The following LRBA variants were observed in gnomAD, a reference collection of about 807,000 sequenced individuals.
The protein encoded by LRBA is LPS responsive beige-like anchor protein.
LRBA carries 176 observed loss-of-function variants against 330.0 expected under a neutral mutation model. The observed-to-expected ratio is 0.53, with a 90% confidence interval of 0.47 to 0.60. The LOEUF (loss-of-function observed/expected upper bound fraction) is 0.60, where lower values mean the gene tolerates loss of function less well. Among genes scored for constraint, LRBA ranks in the 20% least tolerant of loss-of-function variants. The pLI is 0.00. For synonymous variants in LRBA, 1,230 were observed against 1,193.0 expected, an observed-to-expected ratio of 1.03 and a Z score of -0.64; for missense variants, 3,259 against 3,444.8, an observed-to-expected ratio of 0.95 and a Z score of 1.35.
At chr4:150,807,904 C>T (rs953963053) in intron 32 of LRBA, among the ~76,000 whole-genome samples, 9 of 152,262 alleles carry the variant, frequency 5.9e-5, no homozygotes, top group African/African-American at 2.2e-4. Context: ...CCTGCCTCAG[C>T]CTCTCAAAGT....
intron 28 of LRBA, among the ~76,000 whole-genome samples, chr4:150,837,123 C>G (rs1427974091): frequency 1.3e-5 from 2 of 152,158 alleles, no homozygotes; most frequent in Non-Finnish European, 2.9e-5. Flanking sequence ...GTTTCTTAAT[C>G]CTGAGTTCTA....
chr4:150,669,307 C>T lies in LRBA; in HGVS notation c.5921+14244G>A, dbSNP rs1581990913. Among the ~76,000 whole-genome samples the T allele has an allele frequency of 3.3e-5, 5 of 152,262 alleles. No homozygotes were observed. In the South Asian group the frequency reaches 8.3e-4, roughly 25 times the overall value. On this transcript the variant is annotated intron_variant, in intron 37 of 56. Coordinates refer to ENST00000651943, the MANE Select transcript of LRBA (RefSeq NM_001364905.1). ...TCTTATATAACCACACTACAATTAT[C>T]TAAATGAAAAAGTTTACAGTGATAC...
rs542777085 is a variant in LRBA, at chr4:150,382,031, A to T, written c.7195-31872T>A. Among the ~76,000 whole-genome samples, 5 of 152,296 alleles carry T rather than the reference A, an allele frequency of 3.3e-5. No individual in the cohort carries two copies. The East Asian group carries it at 9.7e-4, about 29-fold the overall frequency. On this transcript the variant is annotated intron_variant, in intron 47 of 56. Coordinates refer to ENST00000651943, the MANE Select transcript of LRBA (RefSeq NM_001364905.1). ...ATTTATCTTCTTATTCTTGAGTTGT[A>T]AGAGTCCCTTATATAATCTGCATAG...
intron 11 of LRBA, among the ~76,000 whole-genome samples, chr4:150,908,092 G>A (rs909344526): frequency 2.6e-5 from 4 of 151,806 alleles, no homozygotes; most frequent in Non-Finnish European, 4.4e-5. Flanking sequence ...ACCCATTATT[G>A]CCATTTATAA....
At position 151,010,496 on chromosome 4, in the gene LRBA, A is replaced by G. The variant is rs1371120496; in HGVS notation, c.216+3931T>C. 2.0e-5 allele frequency among the ~76,000 whole-genome samples: 3 copies of G among 152,188 alleles called. No homozygotes were observed. The East Asian group carries it at 5.8e-4, about 29-fold the overall frequency. On this transcript the variant is annotated intron_variant, in intron 2 of 56. Coordinates refer to ENST00000651943, the MANE Select transcript of LRBA (RefSeq NM_001364905.1). ...AATTTATCTGCAAAACAGATTTGCAAAAGAAATTATAAACAGGGTAGTAAA... is the reference window on the plus strand; with the variant it reads ...AATTTATCTGCAAAACAGATTTGCAGAAGAAATTATAAACAGGGTAGTAAA...
At chr4:150,817,475 A>G (rs1401167649) in intron 30 of LRBA, among the ~76,000 whole-genome samples, 1 of 152,084 alleles carries the variant, frequency 6.6e-6, no homozygotes, top group Non-Finnish European at 1.5e-5. Context: ...AATCTATTTA[A>G]CATTTAAGCT....
chr4:150,643,199 G>C (rs1442685028), intron 37 of LRBA, among the ~76,000 whole-genome samples: 1 of 151,764 alleles, frequency 6.6e-6, no homozygotes, highest in Non-Finnish European at 1.5e-5. Flanking sequence ...TTCCATTTTA[G>C]GAAAATGCAG....
At chr4:150,635,184 G>A (rs1653716551) in intron 37 of LRBA, among the ~76,000 whole-genome samples, 1 of 152,010 alleles carries the variant, frequency 6.6e-6, no homozygotes, top group African/African-American at 2.4e-5. Context: ...TTCAAATTCT[G>A]CTCCTAGATT....
chr4:150,940,423 G>A (rs1271921026), intron 2 of LRBA, among the ~76,000 whole-genome samples: 5 of 151,996 alleles, frequency 3.3e-5, no homozygotes, highest in African/African-American at 1.2e-4. Flanking sequence ...ACAAAACAAA[G>A]TTAGAATAAA....
intron 40 of LRBA, among the ~76,000 whole-genome samples, chr4:150,541,481 T>C (rs1055107634): frequency 9.2e-5 from 14 of 152,148 alleles, no homozygotes; most frequent in Non-Finnish European, 1.9e-4. Flanking sequence ...ACTTCATATA[T>C]AACAGTTCTT....
chr4:150,851,409 A>G (rs955543257), intron 23 of LRBA, among the ~76,000 whole-genome samples: 1 of 152,204 alleles, frequency 6.6e-6, no homozygotes, highest in Non-Finnish European at 1.5e-5. Flanking sequence ...TCACTCTGAG[A>G]TATGGACAGA....
intron 13 of LRBA, among the ~76,000 whole-genome samples, chr4:150,904,556 A>C (rs998546054): frequency 6.6e-6 from 1 of 152,184 alleles, no homozygotes; most frequent in Non-Finnish European, 1.5e-5. Context: ...CCTCCAACTA[A>C]GTATCTAATA....
At chr4:150,566,064 CAA>C (rs5862926) in intron 40 of LRBA, among the ~76,000 whole-genome samples, 1 of 136,408 alleles carries the variant, frequency 7.3e-6, no homozygotes, top group African/African-American at 2.8e-5. Context: ...CCTGTCTCTA[CAA>C]AAAAAAAAAA....
At position 150,282,554 on chromosome 4, in the gene LRBA, A is replaced by C; in HGVS notation, c.8212T>G (p.Ser2738Ala). The C allele has an allele frequency of 6.2e-7, 1 of 1,614,146 alleles. No individual in the cohort carries two copies. The highest frequency in any genetic ancestry group is 8.5e-7 in the Non-Finnish European group (1 of 1,179,976). The change falls in exon 55 of 57, where the codon TCA (serine) becomes GCA (alanine). Residue 2738 changes from serine (S) to alanine (A), a missense_variant. Transcript: ENST00000651943. ...AATATGACACAATGACCCTCTCTTG[A>C]AGCCTGAATGAGTTTTGGTTTCAGG... ...NCLKPKLIQA[S>A]REGHCVIFYE... is the part of the protein sequence containing the mutation.
At chr4:150,501,567 G>A (rs768072014) in intron 40 of LRBA, among the ~76,000 whole-genome samples, 8 of 151,800 alleles carry the variant, frequency 5.3e-5, no homozygotes, top group East Asian at 1.9e-4. Context: ...AGCCAAGGTC[G>A]TGCCACTGTA....
chr4:150,693,072 T>C (rs1784281637), intron 36 of LRBA, among the ~76,000 whole-genome samples: 1 of 152,020 alleles, frequency 6.6e-6, no homozygotes, highest in African/African-American at 2.4e-5. Context: ...TAGCTAAAAA[T>C]TGGAAATAAT....
At chr4:150,709,778 A>G (rs755179584) in intron 36 of LRBA, among the ~76,000 whole-genome samples, 1 of 152,028 alleles carries the variant, frequency 6.6e-6, no homozygotes, top group Non-Finnish European at 1.5e-5. Flanking sequence ...ATGAGATATT[A>G]TAACAGAAAG....
At chr4:150,871,550 A>T (rs1439639119) in intron 18 of LRBA, 97 bp from the exon 19 acceptor site, 2 of 689,076 alleles carry the variant, frequency 2.9e-6, no homozygotes, top group Non-Finnish European at 5.3e-6. Context: ...ACTTTTTCAC[A>T]TTACAAACAA....
intron 41 of LRBA, among the ~76,000 whole-genome samples, chr4:150,490,218 G>A (rs1758736751): frequency 6.6e-6 from 1 of 151,670 alleles, no homozygotes; most frequent in Admixed American, 6.6e-5. Context: ...GTGGAATATA[G>A]GCAGTTATGT....
Sources: gnomAD v4.1 joint callset for allele counts (sites outside exome capture counted in the v4.1 genomes callset) on GRCh38, gnomAD v4.1.1 for gene constraint, MANE v1.5 for transcripts, NCBI Gene and HGNC (gene_info 2026-07-23, HGNC 2026-07-21) for gene names.